The following PHF21B variants were observed in gnomAD, a reference collection of about 807,000 sequenced individuals.
PHF21B encodes PHD finger protein 21B, also known as PHD finger protein 4.
Under a neutral mutation model 62.2 loss-of-function variants are expected in PHF21B, and 22 were observed. The observed-to-expected ratio is 0.35, with a 90% CI of 0.25 to 0.51. The LOEUF (loss-of-function observed/expected upper bound fraction) is 0.51, where lower values mean the gene tolerates loss of function less well. Among genes scored for constraint, PHF21B ranks in the 20% least tolerant of loss-of-function variants. The pLI, the probability that PHF21B is intolerant of heterozygous loss-of-function variation, is 0.97. For missense variants in PHF21B, 701 were observed against 707.9 expected (o/e 0.99, Z 0.11); for synonymous variants, 341 against 314.7 (o/e 1.08, Z -0.88).
In PHF21B at chr22:44,921,847, T is replaced by G. The variant is rs546039794; in HGVS notation, c.121-1357A>C. On this transcript the variant is annotated intron_variant, in intron 2 of 12. Transcript: ENST00000313237. Reference sequence around the variant, plus strand: ...GTAACTTTTGTATTTTTAGTAGAGATGGGGTTTCATTATGTTGGCCAGGCT... The same window carrying G: ...GTAACTTTTGTATTTTTAGTAGAGAGGGGGTTTCATTATGTTGGCCAGGCT... 3.3e-5 allele frequency among the ~76,000 whole-genome samples: 5 copies of G among 151,924 alleles called. No individual in the cohort carries two copies. The South Asian group carries it at 1.0e-3, about 32-fold the overall frequency.
intron 2 of PHF21B, among the ~76,000 whole-genome samples, chr22:44,927,450 G>A (rs2071654509): frequency 6.6e-6 from 1 of 152,132 alleles, no homozygotes; most frequent in Non-Finnish European, 1.5e-5. Flanking sequence ...AGCACCAAAG[G>A]AGAGACGATT....
chr22:44,998,913 C>G (rs2073165725), intron 2 of PHF21B, among the ~76,000 whole-genome samples: 1 of 152,184 alleles, frequency 6.6e-6, no homozygotes, highest in Non-Finnish European at 1.5e-5. Flanking sequence ...CACTTTGAGA[C>G]CAGGACCCAG....
At chr22:45,003,651 A>C (rs12166569) in intron 2 of PHF21B, 1 of 152,202 alleles carries the variant, frequency 6.6e-6, no homozygotes, top group Non-Finnish European at 1.5e-5. Context: ...CCTCATTCAC[A>C]TTCTAAGACA....
At chr22:44,921,963 T>C (rs1452726619) in intron 2 of PHF21B, among the ~76,000 whole-genome samples, 1 of 152,108 alleles carries the variant, frequency 6.6e-6, no homozygotes, top group Non-Finnish European at 1.5e-5. Context: ...CCGGTCCTGA[T>C]GGAGCAGTTC....
At chr22:44,980,068 CAAAAAAAAAA>C (rs71190605) in intron 2 of PHF21B, among the ~76,000 whole-genome samples, 23 of 57,216 alleles carry the variant, frequency 4.0e-4, no homozygotes, top group African/African-American at 9.4e-4. Flanking sequence ...GACTTCGTCT[CAAAAAAAAAA>C]AAAAAAAAAA....
intron 5 of PHF21B, among the ~76,000 whole-genome samples, chr22:44,910,552 G>A (rs1239547412): frequency 5.9e-5 from 9 of 152,062 alleles, no homozygotes; most frequent in East Asian, 1.9e-4. Flanking sequence ...AATGTCTCAC[G>A]AGATCTGATG....
chr22:44,947,529 G>T (rs16993195), intron 2 of PHF21B, among the ~76,000 whole-genome samples: 20,123 of 152,260 alleles, frequency 0.13, 1,846 homozygotes, highest in African/African-American at 0.26. Context: ...CTCCAGGTGT[G>T]CTGGGTGCAT....
intron 7 of PHF21B, 35 bp from the exon 8 acceptor site, chr22:44,891,395 C>G: frequency 1.2e-6 from 2 of 1,608,722 alleles, no homozygotes; most frequent in Non-Finnish European, 1.7e-6. Context: ...CACACCCCAT[C>G]ATCTGGAGGC....
chr22:44,981,944 G>C (rs991986015), intron 2 of PHF21B, among the ~76,000 whole-genome samples: 1 of 152,252 alleles, frequency 6.6e-6, no homozygotes, highest in South Asian at 2.1e-4. Flanking sequence ...TGAGAAAGGG[G>C]CTCGTGCCAC....
intron 2 of PHF21B, among the ~76,000 whole-genome samples, chr22:44,985,545 C>T (rs191298238): frequency 7.3e-4 from 111 of 151,402 alleles, no homozygotes; most frequent in African/African-American, 2.5e-3. Context: ...TTGCATTGAG[C>T]CATGATTGCA....
At chr22:44,899,626 TCTC>T (rs2071122560) in intron 5 of PHF21B, among the ~76,000 whole-genome samples, 1 of 151,904 alleles carries the variant, frequency 6.6e-6, no homozygotes. Flanking sequence ...TTTTCTTCCT[TCTC>T]CTTCCTTCTT....
intron 2 of PHF21B, among the ~76,000 whole-genome samples, chr22:45,002,658 T>C (rs1172960265): frequency 6.6e-6 from 1 of 152,252 alleles, no homozygotes; most frequent in Non-Finnish European, 1.5e-5. Flanking sequence ...CCTTCTGACC[T>C]GCCCTCAGCA....
intron 2 of PHF21B, among the ~76,000 whole-genome samples, chr22:45,007,575 AG>A (rs1204667679): frequency 2.9e-4 from 3 of 10,254 alleles, no homozygotes; most frequent in African/African-American, 1.4e-3. Context: ...GGAGGGAGGG[AG>A]GGGGCAGCGG....
At chr22:44,964,514 G>A (rs1035675350) in intron 2 of PHF21B, among the ~76,000 whole-genome samples, 1 of 152,234 alleles carries the variant, frequency 6.6e-6, no homozygotes, top group Non-Finnish European at 1.5e-5. Context: ...CCCTGACTCG[G>A]CAGGAGAAGA....
chr22:44,898,216 G>A (rs1342108387), intron 5 of PHF21B, among the ~76,000 whole-genome samples: 1 of 152,176 alleles, frequency 6.6e-6, no homozygotes, highest in Non-Finnish European at 1.5e-5. Flanking sequence ...GACCTGGACA[G>A]CTTGAGGAGG....
intron 5 of PHF21B, among the ~76,000 whole-genome samples, chr22:44,906,142 G>C (rs1411053122): frequency 2.6e-5 from 4 of 152,142 alleles, no homozygotes; most frequent in Admixed American, 2.0e-4. Flanking sequence ...CGTGTTTTAG[G>C]GACACAGCAA....
rs1393828117 is a variant in PHF21B, at chr22:44,885,841, C to T, written c.1273+22G>A. On this transcript the variant is annotated intron_variant, in intron 11 of 12. Transcript: ENST00000313237. ...GAGGAGGGGGAGCAGGTACCCTTTT[C>T]CACTCCCCAGGGATGCCTCACCTGT... The T allele has an allele frequency of 8.1e-6, 13 of 1,612,010 alleles. No individual in the cohort carries two copies. In the African/African-American group the frequency reaches 1.6e-4, roughly 20 times the overall value.
Position 45,009,447 on chromosome 22 carries a change from C to A in PHF21B, c.54+49G>T, listed in dbSNP as rs1029694435. ...CTGGGCTCGGGTCCCCCGACCCCCT[C>A]ACCCCGCAACACACTCCCCGGCCCC... On this transcript the variant is annotated intron_variant, in intron 1 of 12. Transcript: ENST00000313237. The surrounding 1 kb of genome is among the most constrained non-coding windows in gnomAD (Gnocchi z 5.9). 2 of 1,497,916 alleles carry A rather than the reference C, an allele frequency of 1.3e-6. No individual in the cohort carries two copies. Among genetic ancestry groups the A allele is most frequent in the Middle Eastern group, 1.8e-4 (1 of 5,560 alleles). 92.8% of individuals were successfully genotyped at this position (1,497,916 alleles called of 1,614,324 possible).
rs754397836 is a variant in PHF21B, at chr22:44,888,019, G to A, written c.1141C>T (p.Pro381Ser). The part of the protein sequence containing the change: ...PGAYHLSCLE[P>S]PLKTAPKGVW... ...CCCTTGGGCGCCGTCTTGAGGGGCG[G>A]CTCCAGGCAGCTGAGGTGGTAGGCC... The change falls in exon 10 of 13, where the codon CCG becomes TCG. Residue 381 changes from proline to serine, a missense_variant. Physicochemically the swap from Pro to Ser is moderately conservative, Grantham distance 74 (BLOSUM62 -1). Transcript: ENST00000313237. The A allele has an allele frequency of 2.6e-6, 4 of 1,566,086 alleles. No individual in the cohort carries two copies. The highest frequency in any genetic ancestry group is 1.9e-5 in the Admixed American group (1 of 52,690).
Sources: gnomAD v4.1 joint callset for allele counts (sites outside exome capture counted in the v4.1 genomes callset) on GRCh38, gnomAD v4.1.1 for gene constraint, Gnocchi (gnomAD v3.1) non-coding constraint, MANE v1.5 for transcripts, NCBI Gene and HGNC (gene_info 2026-07-23, HGNC 2026-07-21) for gene names.